NR1H4: variants seen among roughly 807,000 people sequenced by gnomAD.
NR1H4 encodes the protein bile acid receptor.
NR1H4 carries 23 observed loss-of-function variants against 58.5 expected under a neutral mutation model. The observed-to-expected ratio is 0.39, with a 90% confidence interval of 0.28 to 0.56. The LOEUF (loss-of-function observed/expected upper bound fraction) is 0.56. NR1H4 is among the 20% of genes least tolerant of loss of function. NR1H4 has a pLI of 0.58. For missense variants in NR1H4, 487 were observed against 576.9 expected (o/e 0.84, Z 1.60); for synonymous variants, 214 against 198.0 (o/e 1.08, Z -0.68).
chr12:100,520,926 G>A (rs905040744), intron 4 of NR1H4, among the ~76,000 whole-genome samples: 3 of 152,214 alleles, frequency 2.0e-5, no homozygotes, highest in South Asian at 4.1e-4. Flanking sequence ...TCTTAAGACC[G>A]TGCAATATTT....
chr12:100,498,733 A>C (rs556070885), intron 3 of NR1H4, among the ~76,000 whole-genome samples: 1 of 152,282 alleles, frequency 6.6e-6, no homozygotes, highest in East Asian at 1.9e-4. Context: ...ACAGCTTTGG[A>C]ATCCACGTCT....
At chr12:100,526,420 ATTTG>A (rs1954558524) in intron 4 of NR1H4, among the ~76,000 whole-genome samples, 1 of 151,978 alleles carries the variant, frequency 6.6e-6, no homozygotes, top group Non-Finnish European at 1.5e-5. Context: ...TATGTCTTCT[ATTTG>A]CATTATGTGT....
intron 1 of NR1H4, among the ~76,000 whole-genome samples, chr12:100,490,388 G>C (rs1327486913): frequency 1.3e-5 from 2 of 152,182 alleles, no homozygotes; most frequent in African/African-American, 4.8e-5. Flanking sequence ...AGGGAAACCT[G>C]AAGTCAGAGT....
intron 3 of NR1H4, among the ~76,000 whole-genome samples, chr12:100,508,651 G>A (rs771015910): frequency 4.0e-4 from 61 of 152,158 alleles, no homozygotes; most frequent in Admixed American, 7.2e-4. Flanking sequence ...GTTTTGTGAG[G>A]AATAAATGAG....
chr12:100,499,820 A>G, intron 3 of NR1H4: 1 of 455,924 alleles, frequency 2.2e-6, no homozygotes, highest in Non-Finnish European at 4.4e-6. Context: ...TGTGTCAGAT[A>G]TCAAGCTAAG....
chr12:100,507,030 A>G (rs1953982363), intron 3 of NR1H4, among the ~76,000 whole-genome samples: 1 of 152,180 alleles, frequency 6.6e-6, no homozygotes, highest in African/African-American at 2.4e-5. Flanking sequence ...TAATGCTTAA[A>G]GATTTTAGAA....
chr12:100,502,805 G>T (rs1953865080), intron 3 of NR1H4, among the ~76,000 whole-genome samples: 1 of 152,138 alleles, frequency 6.6e-6, no homozygotes, highest in Admixed American at 6.5e-5. Flanking sequence ...GTCTTACATG[G>T]TGGTAGGGAA....
At chr12:100,562,272 C>T (rs535154642) in intron 10 of NR1H4, among the ~76,000 whole-genome samples, 1 of 152,220 alleles carries the variant, frequency 6.6e-6, no homozygotes, top group South Asian at 2.1e-4. Context: ...CAAGACACAG[C>T]TCCCATGCAG....
chr12:100,481,592 G>T lies in NR1H4; in HGVS notation c.-190+7533G>T, dbSNP rs35666051. On this transcript the variant is annotated intron_variant, in intron 1 of 10. Coordinates refer to ENST00000392986, the MANE Select transcript of NR1H4 (RefSeq NM_001206979.2). ...AGTTCTAGACCAGCCTGGGCAACAT[G>T]GTGAAATCCTGTCTCTACAAAAAAT... 6.2e-3 allele frequency among the ~76,000 whole-genome samples: 942 copies of T among 151,982 alleles called. 5 individuals carry two copies. The highest frequency in any genetic ancestry group is 0.02 in the Middle Eastern group (6 of 294).
intron 1 of NR1H4, among the ~76,000 whole-genome samples, chr12:100,489,490 A>G (rs1953562429): frequency 6.6e-6 from 1 of 152,218 alleles, no homozygotes; most frequent in African/African-American, 2.4e-5. Context: ...TAGGCACTGA[A>G]TATGAATTTC....
At chr12:100,557,177 G>A (rs1384330349) in intron 9 of NR1H4, among the ~76,000 whole-genome samples, 1 of 152,182 alleles carries the variant, frequency 6.6e-6, no homozygotes, top group African/African-American at 2.4e-5. Context: ...TGCAGGCTGT[G>A]CAAGCATGAC....
At chr12:100,521,056 C>CTTTAT (rs1294996986) in intron 4 of NR1H4, among the ~76,000 whole-genome samples, 3 of 151,674 alleles carry the variant, frequency 2.0e-5, no homozygotes, top group African/African-American at 7.3e-5. Flanking sequence ...AGCTCTCTTG[C>CTTTAT]TTTAGTATTT....
chr12:100,541,335 G>T (rs937490594), intron 9 of NR1H4, among the ~76,000 whole-genome samples: 1 of 151,150 alleles, frequency 6.6e-6, no homozygotes, highest in East Asian at 1.9e-4. Context: ...AGGCTGGAGT[G>T]TAGTGGTGTG....
At position 100,493,232 on chromosome 12, in the gene NR1H4, G is replaced by C. The variant is rs142896466; in HGVS notation, c.-54-38G>C. On this transcript the variant is annotated intron_variant, in intron 2 of 10. Coordinates refer to ENST00000392986, the MANE Select transcript of NR1H4 (RefSeq NM_001206979.2). The stretch of plus-strand genomic sequence containing the variant: ...CCAGCTCTCCTAACCAACCCTTCCC[G>C]CATTCCCACAGTCACAAACTATTTA... 302 of 730,052 alleles carry C rather than the reference G, an allele frequency of 4.1e-4. 1 individual carries two copies. In the African/African-American group the frequency reaches 4.6e-3, roughly 11 times the overall value. 45.2% of individuals were successfully genotyped at this position (730,052 alleles called of 1,614,324 possible).
Position 100,564,195 on chromosome 12 carries a change from G to C in NR1H4, c.*706G>C, listed in dbSNP as rs966622127. On this transcript the variant is annotated 3_prime_UTR_variant, in exon 11 of 11. Transcript: ENST00000392986. ...AGCTAACTGCAGTGATGGGACCTTC[G>C]CTTTCCTCTCTTAAAAGTGAGGAAA... 1 of 152,124 alleles carries C rather than the reference G, an allele frequency of 6.6e-6. No individual in the cohort carries two copies. Among genetic ancestry groups the C allele is most frequent in the Admixed American group, 6.6e-5 (1 of 15,266 alleles). 9.4% of individuals were successfully genotyped at this position (152,124 alleles called of 1,614,324 possible).
chr12:100,478,690 T>C (rs1953319447), intron 1 of NR1H4, among the ~76,000 whole-genome samples: 1 of 152,200 alleles, frequency 6.6e-6, no homozygotes, highest in South Asian at 2.1e-4. Context: ...TGTTGATGGT[T>C]TTTTAGGTGG....
chr12:100,512,444 A>G (rs1954144540), intron 4 of NR1H4, among the ~76,000 whole-genome samples: 1 of 152,130 alleles, frequency 6.6e-6, no homozygotes, highest in South Asian at 2.1e-4. Context: ...GAATGAGACC[A>G]TCTGACTAAC....
intron 4 of NR1H4, among the ~76,000 whole-genome samples, chr12:100,512,711 A>C (rs1954154008): frequency 1.3e-5 from 2 of 152,202 alleles, no homozygotes; most frequent in Non-Finnish European, 2.9e-5. Flanking sequence ...TAATCGTGGT[A>C]TTTATTCATT....
chr12:100,476,920 A>G (rs1003436528), intron 1 of NR1H4, among the ~76,000 whole-genome samples: 2 of 152,022 alleles, frequency 1.3e-5, no homozygotes, highest in African/African-American at 2.4e-5. Flanking sequence ...AATAGGAACA[A>G]TTTTCCTCCC....
Sources: allele counts gnomAD v4.1 joint callset (sites outside exome capture counted in the v4.1 genomes callset), GRCh38; gene constraint gnomAD v4.1.1; transcripts MANE v1.5; gene names NCBI Gene and HGNC (gene_info 2026-07-23, HGNC 2026-07-21).